CACNA1A: variants seen among roughly 807,000 people sequenced by gnomAD.
CACNA1A encodes the protein calcium voltage-gated channel subunit alpha1 A.
In CACNA1A, 57 loss-of-function variants were observed where a neutral mutation model predicts 262.4. That is an observed-to-expected ratio of 0.22 (90% CI 0.18 to 0.27). The LOEUF (loss-of-function observed/expected upper bound fraction) is 0.27, where lower values mean the gene tolerates loss of function less well. Among genes scored for constraint, CACNA1A ranks in the 10% least tolerant of loss-of-function variants. The pLI, the probability that CACNA1A is intolerant of heterozygous loss-of-function variation, is 1.00. For synonymous variants in CACNA1A, 1,431 were observed against 1,419.3 expected (o/e 1.01, Z -0.18); for missense variants, 2,526 against 3,562.8 (o/e 0.71, Z 7.41).
chr19:13,231,379 C>T (rs1407764355), intron 35 of CACNA1A, among the ~76,000 whole-genome samples: 1 of 152,108 alleles, frequency 6.6e-6, no homozygotes, highest in East Asian at 1.9e-4. Context: ...ACCCCCACCC[C>T]CTGGGGGCAC....
chr19:13,460,309 G>C (rs1439750886), intron 1 of CACNA1A, among the ~76,000 whole-genome samples: 6 of 152,124 alleles, frequency 3.9e-5, no homozygotes, highest in East Asian at 3.9e-4. Flanking sequence ...GAGGAGCTCA[G>C]GTAATTGCGG....
chr19:13,402,759 C>CAT (rs896555261), intron 3 of CACNA1A, among the ~76,000 whole-genome samples: 1 of 129,300 alleles, frequency 7.7e-6, no homozygotes, highest in South Asian at 2.7e-4. Context: ...TATATACACA[C>CAT]ATATATATAC....
At chr19:13,424,386 AAAC>A (rs1395313642) in intron 3 of CACNA1A, among the ~76,000 whole-genome samples, 3 of 152,116 alleles carry the variant, frequency 2.0e-5, no homozygotes, top group African/African-American at 7.2e-5. Flanking sequence ...ACAAACAAAC[AAAC>A]AACAACAGTC....
chr19:13,288,895 A>G (rs1009432594), intron 19 of CACNA1A, among the ~76,000 whole-genome samples: 1 of 152,086 alleles, frequency 6.6e-6, no homozygotes, highest in African/African-American at 2.4e-5. Context: ...ACTTGCAAAA[A>G]CCCACGGTGT....
chr19:13,239,907 T>G (rs1021361664), intron 31 of CACNA1A, among the ~76,000 whole-genome samples: 1 of 151,736 alleles, frequency 6.6e-6, no homozygotes, highest in Non-Finnish European at 1.5e-5. Context: ...TCCCAACACT[T>G]TGGGAGGCTG....
At chr19:13,402,857 T>TACACACAC (rs1282745878) in intron 3 of CACNA1A, among the ~76,000 whole-genome samples, 2 of 75,788 alleles carry the variant, frequency 2.6e-5, no homozygotes, top group African/African-American at 1.1e-4. Flanking sequence ...CATATATATA[T>TACACACAC]ACACACACAC....
At chr19:13,312,099 G>GA (rs2058047340) in intron 12 of CACNA1A, among the ~76,000 whole-genome samples, 2 of 152,130 alleles carry the variant, frequency 1.3e-5, no homozygotes, top group African/African-American at 4.8e-5. Flanking sequence ...GCCCTGGTTC[G>GA]ATGAGAAGGA....
At chr19:13,449,818 G>A (rs149220927) in intron 3 of CACNA1A, among the ~76,000 whole-genome samples, 107 of 152,330 alleles carry the variant, frequency 7.0e-4, no homozygotes, top group African/African-American at 2.5e-3. Flanking sequence ...GGTCTAGGGA[G>A]GGAGAAAACA....
At chr19:13,255,970 T>TTCCCTCCC (rs1169949389) in intron 28 of CACNA1A, among the ~76,000 whole-genome samples, 3 of 125,528 alleles carry the variant, frequency 2.4e-5, no homozygotes, top group Non-Finnish European at 5.1e-5. Context: ...ATTTCCTTCC[T>TTCCCTCCC]TCCCTCCCTC....
At chr19:13,297,504 T>C (rs867123122) in intron 19 of CACNA1A, among the ~76,000 whole-genome samples, 29 of 151,928 alleles carry the variant, frequency 1.9e-4, no homozygotes, top group African/African-American at 7.0e-4. Context: ...CCAGGCCTCA[T>C]TTCTACTAAA....
At chr19:13,411,553 A>G (rs562261941) in intron 3 of CACNA1A, among the ~76,000 whole-genome samples, 11 of 152,240 alleles carry the variant, frequency 7.2e-5, no homozygotes, top group African/African-American at 2.4e-4. Flanking sequence ...TGGAACTGTG[A>G]GTGCATTAAA....
chr19:13,240,117 C>G (rs1489165623), intron 31 of CACNA1A, among the ~76,000 whole-genome samples: 1 of 145,864 alleles, frequency 6.9e-6, no homozygotes, highest in Non-Finnish European at 1.5e-5. Flanking sequence ...TGCCACTGCA[C>G]GCCAGCCTGG....
chr19:13,430,267 C>T (rs752228311), intron 3 of CACNA1A, among the ~76,000 whole-genome samples: 4 of 152,008 alleles, frequency 2.6e-5, no homozygotes, highest in Non-Finnish European at 5.9e-5. Context: ...ATTGCAATGG[C>T]ATGATCTCAG....
At chr19:13,465,128 A>T (rs1165851664) in intron 1 of CACNA1A, among the ~76,000 whole-genome samples, 1 of 151,012 alleles carries the variant, frequency 6.6e-6, no homozygotes, top group African/African-American at 2.4e-5. Flanking sequence ...ACATGGTTTC[A>T]CCATGTTGGC....
At position 13,299,178 on chromosome 19, in the gene CACNA1A, A is replaced by C; in HGVS notation, c.2455T>G (p.Leu819Val). The C allele has an allele frequency of 6.2e-7, 1 of 1,612,998 alleles. No homozygotes were observed. The highest frequency in any genetic ancestry group is 8.5e-7 in the Non-Finnish European group (1 of 1,179,868). ...RHLRPDMKTH[L>V]DRPLVVDPQE... ...GGGTCCACCACCAGCGGCCGGTCCA[A>C]GTGCGTCTTCATGTCTGGCCGCAGG... Residue 819 changes from leucine (L) to valine (V), a missense_variant, in exon 19 of 47, where the codon TTG (leucine) becomes GTG (valine). By Grantham distance (32) the Leu-to-Val change is conservative. Around this residue, in one of 17 missense-constraint regions of CACNA1A, gnomAD observed 765 missense variants for 748.6 expected, o/e 1.02. Transcript: ENST00000360228.
intron 7 of CACNA1A, 87 bp from the exon 8 acceptor site, chr19:13,334,580 T>TGTGC: frequency 1.5e-6 from 1 of 671,716 alleles, no homozygotes; most frequent in Non-Finnish European, 2.6e-6. Context: ...TGTGTGTGTG[T>TGTGC]GTGTGTGTGT....
chr19:13,253,754 T>G (rs2056466817), intron 29 of CACNA1A, among the ~76,000 whole-genome samples: 1 of 148,870 alleles, frequency 6.7e-6, no homozygotes. Flanking sequence ...TCCTTATTTT[T>G]TTTGAGACGG....
intron 38 of CACNA1A, among the ~76,000 whole-genome samples, chr19:13,223,229 T>G (rs2055302245): frequency 1.3e-5 from 2 of 152,168 alleles, no homozygotes; most frequent in South Asian, 4.1e-4. Context: ...AGTCTTGCTC[T>G]GTCACCCAGG....
chr19:13,219,809 C>T lies in CACNA1A; in HGVS notation c.5731+4858G>A, dbSNP rs141734988. On this transcript the variant is annotated intron_variant, in intron 38 of 46. Coordinates refer to ENST00000360228, the MANE Select transcript of CACNA1A (RefSeq NM_001127222.2). Reference sequence around the variant, plus strand: ...TCTACTAAAAATACAAAAAATTATCCGGGCGTGGTGGCACGCATCTGTAGT... The same window carrying T: ...TCTACTAAAAATACAAAAAATTATCTGGGCGTGGTGGCACGCATCTGTAGT... Among the ~76,000 whole-genome samples the T allele has an allele frequency of 2.4e-3, 370 of 151,912 alleles. 1 individual carries two copies. The highest frequency in any genetic ancestry group is 8.5e-3 in the African/African-American group (351 of 41,428).
Sources: allele counts gnomAD v4.1 joint callset (sites outside exome capture counted in the v4.1 genomes callset), GRCh38; gene constraint gnomAD v4.1.1; regional missense constraint gnomAD v4.1.1; transcripts MANE v1.5; gene names NCBI Gene and HGNC (gene_info 2026-07-23, HGNC 2026-07-21).